The following UBASH3B variants were observed in gnomAD, a reference collection of about 807,000 sequenced individuals.
UBASH3B encodes ubiquitin associated and SH3 domain containing B.
A neutral mutation model predicts 83.4 loss-of-function variants in UBASH3B; 37 were observed. The ratio of observed to expected loss-of-function variants is 0.44; its 90% CI spans 0.34 to 0.58. UBASH3B has a LOEUF of 0.58. UBASH3B is among the 20% of genes least tolerant of loss of function. UBASH3B has a pLI of 0.01. For synonymous variants in UBASH3B, 304 were observed against 318.3 expected, an observed-to-expected ratio of 0.96 and a Z score of 0.48; for missense variants, 657 against 827.2, an observed-to-expected ratio of 0.79 and a Z score of 2.52.
At chr11:122,783,331 C>T in intron 5 of UBASH3B, 109 bp downstream of exon 5, 2 of 1,313,282 alleles carry the variant, frequency 1.5e-6, no homozygotes, top group South Asian at 1.4e-5. Flanking sequence ...ATGGAGCAAG[C>T]ACCTAACAGA....
At chr11:122,712,747 T>C (rs918719389) in intron 1 of UBASH3B, among the ~76,000 whole-genome samples, 1 of 151,984 alleles carries the variant, frequency 6.6e-6, no homozygotes, top group Non-Finnish European at 1.5e-5. Context: ...AGAACTCCAC[T>C]ACCAAGTGCA....
chr11:122,659,260 G>T (rs534728539), intron 1 of UBASH3B, among the ~76,000 whole-genome samples: 1 of 152,286 alleles, frequency 6.6e-6, no homozygotes, highest in South Asian at 2.1e-4. Context: ...TCTTTTGGGG[G>T]ATCATTATTT....
rs544992534 is a variant in UBASH3B at position 122,744,873 on chromosome 11, CTGTGTG to C, written c.162-31325_162-31320del. Among the ~76,000 whole-genome samples the C allele has an allele frequency of 1.1e-3, 159 of 139,522 alleles. No homozygotes were observed. The Middle Eastern group carries it at 0.022, about 19-fold the overall frequency. 91.5% of individuals were successfully genotyped at this position (139,522 alleles called of 152,430 possible). On this transcript the variant is annotated intron_variant, in intron 1 of 13. Coordinates refer to ENST00000284273, the MANE Select transcript of UBASH3B (RefSeq NM_032873.5). The stretch of plus-strand genomic sequence containing the variant: ...GTTGAGTATGATCACATGTGTGACT[CTGTGTG>C]TGTGTGTGTGTGTGTGTGTGCGCGC...
At chr11:122,679,206 G>C (rs1465663555) in intron 1 of UBASH3B, among the ~76,000 whole-genome samples, 1 of 152,230 alleles carries the variant, frequency 6.6e-6, no homozygotes, top group Non-Finnish European at 1.5e-5. Context: ...GCGAGGAGGG[G>C]ATAGTGTAGG....
chr11:122,683,742 A>G (rs1156822128), intron 1 of UBASH3B, among the ~76,000 whole-genome samples: 1 of 88,780 alleles, frequency 1.1e-5, no homozygotes, highest in Non-Finnish European at 2.3e-5. Context: ...TTAAAAAAAA[A>G]TTGTGTGTGT....
Position 122,752,150 on chromosome 11 carries a change from C to T in UBASH3B, c.162-24069C>T, listed in dbSNP as rs192576037. On this transcript the variant is annotated intron_variant, in intron 1 of 13. Transcript: ENST00000284273. ...ACCAAATTTTCTTCCTGTCTTGCCT[C>T]GCTGTCCCTATCAATCTGGCCCCAT... 6.5e-4 allele frequency among the ~76,000 whole-genome samples: 99 copies of T among 152,252 alleles called. 1 individual carries two copies. The East Asian group carries it at 0.012, about 18-fold the overall frequency.
Position 122,803,046 on chromosome 11 carries a change from C to A in UBASH3B, c.1595+1714C>A, listed in dbSNP as rs190853226. 2.0e-5 allele frequency among the ~76,000 whole-genome samples: 3 copies of A among 152,280 alleles called. No homozygotes were observed. In the East Asian group the frequency reaches 5.8e-4, roughly 29 times the overall value. On this transcript the variant is annotated intron_variant, in intron 11 of 13. Coordinates refer to ENST00000284273, the MANE Select transcript of UBASH3B (RefSeq NM_032873.5). Reference sequence around the variant, plus strand: ...CTGTCAATGTACACTCAGATACACACCCCACCAGCAGTGTGAGCAGAAGGA... The same window carrying A: ...CTGTCAATGTACACTCAGATACACAACCCACCAGCAGTGTGAGCAGAAGGA...
chr11:122,743,080 G>A (rs968287605), intron 1 of UBASH3B, among the ~76,000 whole-genome samples: 11 of 152,150 alleles, frequency 7.2e-5, no homozygotes, highest in Non-Finnish European at 8.8e-5. Flanking sequence ...CGTCCTTGTT[G>A]CCATCAGTTT....
chr11:122,751,786 A>G (rs1861202954), intron 1 of UBASH3B, among the ~76,000 whole-genome samples: 1 of 152,190 alleles, frequency 6.6e-6, no homozygotes, highest in Non-Finnish European at 1.5e-5. Flanking sequence ...TGATTTTAGG[A>G]AACTGTGCTC....
intron 1 of UBASH3B, among the ~76,000 whole-genome samples, chr11:122,661,698 C>G (rs558934721): frequency 1.3e-5 from 2 of 152,214 alleles, no homozygotes; most frequent in Non-Finnish European, 2.9e-5. Context: ...TGAGGTAAAG[C>G]ACACAACATA....
chr11:122,787,876 G>C (rs1027749158), intron 5 of UBASH3B, among the ~76,000 whole-genome samples: 2 of 152,190 alleles, frequency 1.3e-5, no homozygotes, highest in African/African-American at 4.8e-5. Context: ...TGAGACCCTA[G>C]AAAACAGTAA....
intron 10 of UBASH3B, among the ~76,000 whole-genome samples, chr11:122,800,400 A>C (rs564059420): frequency 6.7e-6 from 1 of 149,950 alleles, no homozygotes; most frequent in Non-Finnish European, 1.5e-5. Context: ...AAAAAAAAAA[A>C]AACAAGAGCT....
intron 4 of UBASH3B, among the ~76,000 whole-genome samples, 166 bp downstream of exon 4, chr11:122,779,861 G>A (rs890120677): frequency 5.9e-5 from 9 of 152,172 alleles, no homozygotes; most frequent in African/African-American, 1.4e-4. Context: ...AGCACCCCAC[G>A]TCTTGCTCCC....
intron 9 of UBASH3B, 68 bp downstream of exon 9, chr11:122,797,101 G>A: frequency 6.6e-7 from 1 of 1,515,324 alleles, no homozygotes; most frequent in Non-Finnish European, 8.8e-7. Context: ...TGGTACCATG[G>A]ATATGCAAGA....
Position 122,813,198 on chromosome 11 carries a change from T to C in UBASH3B, c.*3312T>C, listed in dbSNP as rs1466635356. On this transcript the variant is annotated 3_prime_UTR_variant, in exon 14 of 14. Transcript: ENST00000284273. Reference sequence around the variant, plus strand: ...TAGTGGTATTTGGAATGCATATAGATTGTCTTGTCATTGTGCTTAACATTA... The same window carrying C: ...TAGTGGTATTTGGAATGCATATAGACTGTCTTGTCATTGTGCTTAACATTA... 1 of 152,290 alleles carries C rather than the reference T, an allele frequency of 6.6e-6. No homozygotes were observed. Among genetic ancestry groups the C allele is most frequent in the East Asian group, 1.9e-4 (1 of 5,204 alleles). The allele number at this position is 152,290 out of a possible 1,614,324, so 9.4% of individuals were successfully genotyped here.
At chr11:122,707,508 T>G (rs1011508068) in intron 1 of UBASH3B, among the ~76,000 whole-genome samples, 2 of 152,168 alleles carry the variant, frequency 1.3e-5, no homozygotes, top group African/African-American at 4.8e-5. Flanking sequence ...TCTTTCTCAC[T>G]AAGTTGTGAG....
chr11:122,718,150 C>T (rs1446030722), intron 1 of UBASH3B, among the ~76,000 whole-genome samples: 1 of 152,122 alleles, frequency 6.6e-6, no homozygotes, highest in Non-Finnish European at 1.5e-5. Flanking sequence ...GCCTCGAGCT[C>T]CTAACCTCAA....
chr11:122,744,090 A>G (rs967169056), intron 1 of UBASH3B, among the ~76,000 whole-genome samples: 3 of 152,196 alleles, frequency 2.0e-5, no homozygotes, highest in Non-Finnish European at 4.4e-5. Context: ...TTTTGAATCC[A>G]GCCCATGCAC....
At chr11:122,702,420 T>A (rs943334732) in intron 1 of UBASH3B, among the ~76,000 whole-genome samples, 1 of 152,046 alleles carries the variant, frequency 6.6e-6, no homozygotes, top group Non-Finnish European at 1.5e-5. Context: ...CTTGCCTTCA[T>A]CGTTCAAGGT....
Sources: allele counts gnomAD v4.1 joint callset (sites outside exome capture counted in the v4.1 genomes callset), GRCh38; gene constraint gnomAD v4.1.1; transcripts MANE v1.5; gene names NCBI Gene and HGNC (gene_info 2026-07-23, HGNC 2026-07-21).